DOCK10: variants seen among roughly 807,000 people sequenced by gnomAD.
DOCK10 encodes the protein dedicator of cytokinesis protein 10.
Under a neutral mutation model 280.1 loss-of-function variants are expected in DOCK10, and 145 were observed. The observed-to-expected ratio is 0.52, with a 90% CI of 0.45 to 0.59. The LOEUF (loss-of-function observed/expected upper bound fraction) is 0.59, where lower values mean the gene tolerates loss of function less well. Among genes scored for constraint, DOCK10 ranks in the 20% least tolerant of loss-of-function variants. The pLI, the probability that DOCK10 is intolerant of heterozygous loss-of-function variation, is 0.00. For synonymous variants in DOCK10, 915 were observed against 942.2 expected, an observed-to-expected ratio of 0.97 and a Z score of 0.53; for missense variants, 2,368 against 2,651.7, an observed-to-expected ratio of 0.89 and a Z score of 2.35.
At chr2:224,899,881 C>T (rs1304762888) in intron 3 of DOCK10, among the ~76,000 whole-genome samples, 1 of 152,174 alleles carries the variant, frequency 6.6e-6, no homozygotes, top group Non-Finnish European at 1.5e-5. Flanking sequence ...GAGGGTACAG[C>T]CTTGGGAACT....
rs78691155 is a variant in DOCK10 at position 224,843,382 on chromosome 2, T to C, written c.2568+1371A>G. ...TATTTGGAGAAAGCAGCTGGAAGCATGAGAAAGAGAAACTGAGGAGCTGCT... is the reference window on the plus strand; with the variant it reads ...TATTTGGAGAAAGCAGCTGGAAGCACGAGAAAGAGAAACTGAGGAGCTGCT... On this transcript the variant is annotated intron_variant, in intron 22 of 55. Coordinates refer to ENST00000258390, the MANE Select transcript of DOCK10 (RefSeq NM_014689.3). 3.6e-3 allele frequency among the ~76,000 whole-genome samples: 545 copies of C among 152,184 alleles called. 8 individuals carry two copies. In the East Asian group the frequency reaches 0.055, roughly 15 times the overall value.
intron 3 of DOCK10, among the ~76,000 whole-genome samples, chr2:224,901,701 A>G (rs1040677172): frequency 6.6e-6 from 1 of 152,216 alleles, no homozygotes; most frequent in Non-Finnish European, 1.5e-5. Context: ...CAAGAAATCT[A>G]CATTGTAAAA....
chr2:225,035,619 TTAGTCAGTGCGGGCTGCC>T (rs1333709709), intron 1 of DOCK10, among the ~76,000 whole-genome samples: 1,587 of 125,322 alleles, frequency 0.013, 64 homozygotes, highest in African/African-American at 0.053. Context: ...GTGTGTTGTA[TTAGTCAGTGCGGGCTGCC>T]ATAATAACCA....
chr2:224,874,328 T>C lies in DOCK10; in HGVS notation c.1039A>G (p.Thr347Ala). 1 of 1,612,568 alleles carries C rather than the reference T, an allele frequency of 6.2e-7. No individual in the cohort carries two copies. Residue 347 changes from threonine (T) to alanine (A), a missense_variant, in exon 10 of 56, where the codon ACT becomes GCT. This residue lies in a region of DOCK10 where 1,209 missense variants were observed against 1,250.9 expected (regional missense o/e 0.97). Coordinates refer to ENST00000258390, the MANE Select transcript of DOCK10 (RefSeq NM_014689.3). ...TCCATGTTTCGAGTTGTTTTTACAG[T>C]ATCTTCTGTTTCTGTGAGGTACTAC... ...FAKYLTETED[T>A]VKTTRNMERL...
intron 1 of DOCK10, among the ~76,000 whole-genome samples, chr2:224,964,483 C>CT (rs36036971): frequency 1.7e-4 from 25 of 150,324 alleles, no homozygotes; most frequent in South Asian, 2.1e-4. Context: ...TTTCTTTCTT[C>CT]TTTTTTTTTT....
At position 225,042,240 on chromosome 2, in the gene DOCK10, C is replaced by T. The variant is rs1690454771; in HGVS notation, c.123+12G>A. The stretch of plus-strand genomic sequence containing the variant: ...GGCGCGCGGGAAGGCGCGGAGGACG[C>T]GCCGCACTCACCCGCTGCTGCTGCC... On this transcript the variant is annotated intron_variant, in intron 1 of 55. Coordinates refer to ENST00000258390, the MANE Select transcript of DOCK10 (RefSeq NM_014689.3). The surrounding 1 kb of genome is among the most constrained non-coding windows in gnomAD (Gnocchi z 5.1). 1 of 1,267,928 alleles carries T rather than the reference C, an allele frequency of 7.9e-7. No homozygotes were observed. The allele number at this position is 1,267,928 out of a possible 1,614,324, so 78.5% of individuals were successfully genotyped here. A position where few individuals can be genotyped will look rare whatever the true frequency, so the allele number is the denominator to read the frequency against.
chr2:224,795,179 C>T lies in DOCK10; in HGVS notation c.4939-85G>A, dbSNP rs16866184. 259 of 1,218,890 alleles carry T rather than the reference C, an allele frequency of 2.1e-4. 3 individuals carry two copies. The South Asian group carries it at 2.8e-3, about 13-fold the overall frequency. 75.5% of individuals were successfully genotyped at this position (1,218,890 alleles called of 1,614,324 possible). ...TAAGTTATGCTATTAATTATGGCTACGCATCACAGTTTGGAGCATTCTATA... is the reference window on the plus strand; with the variant it reads ...TAAGTTATGCTATTAATTATGGCTATGCATCACAGTTTGGAGCATTCTATA... On this transcript the variant is annotated intron_variant, in intron 44 of 55. Transcript: ENST00000258390.
chr2:224,782,317 C>T (rs3768877), intron 50 of DOCK10, among the ~76,000 whole-genome samples: 1 of 152,064 alleles, frequency 6.6e-6, no homozygotes, highest in Non-Finnish European at 1.5e-5. Flanking sequence ...GAATCTATGG[C>T]CTTTGGTGGA....
chr2:224,879,177 C>G (rs1412228908), intron 7 of DOCK10, among the ~76,000 whole-genome samples: 2 of 152,104 alleles, frequency 1.3e-5, no homozygotes, highest in Non-Finnish European at 2.9e-5. Flanking sequence ...CTCAGAAAGC[C>G]CATGGCCTCA....
Position 224,804,358 on chromosome 2 carries a change from G to A in DOCK10, c.4167-145C>T, listed in dbSNP as rs528732848. On this transcript the variant is annotated intron_variant, in intron 38 of 55. Coordinates refer to ENST00000258390, the MANE Select transcript of DOCK10 (RefSeq NM_014689.3). The stretch of plus-strand genomic sequence containing the variant: ...CAAAAATAAAACCCTGTTTTCTTTC[G>A]GAAATCAGAAATTGGGATTTAGTGA... 5.4e-4 allele frequency: 294 copies of A among 544,828 alleles called. 5 individuals carry two copies. In the South Asian group the frequency reaches 7.1e-3, roughly 13 times the overall value. The allele number at this position is 544,828 out of a possible 1,614,324, so 33.7% of individuals were successfully genotyped here.
rs1693330391 is a variant in DOCK10, at chr2:224,805,393, A to G, written c.3936+15T>C. ...TGCCTTGTAATGATCAGTAGGTTTG[A>G]GAGGGAAGTCATACCTTTTCACAGT... On this transcript the variant is annotated intron_variant, in intron 35 of 55. Transcript: ENST00000258390. This position sits in a 1 kb window ranked among gnomAD's most constrained non-coding sequence, Gnocchi z 4.3. The G allele has an allele frequency of 1.9e-6, 3 of 1,612,774 alleles. No individual in the cohort carries two copies. The highest frequency in any genetic ancestry group is 2.5e-6 in the Non-Finnish European group (3 of 1,179,170).
chr2:224,856,779 G>A, intron 15 of DOCK10, 81 bp downstream of exon 15: 1 of 1,311,064 alleles, frequency 7.6e-7, no homozygotes, highest in Non-Finnish European at 1.0e-6. Flanking sequence ...GTTCGAGAAT[G>A]AGATCCTCAG....
chr2:225,004,424 C>T (rs1324776126), intron 1 of DOCK10, among the ~76,000 whole-genome samples: 11 of 152,196 alleles, frequency 7.2e-5, no homozygotes, highest in Admixed American at 7.2e-4. Flanking sequence ...GGGAGTGTGG[C>T]CCTGCTGACT....
At chr2:224,798,413 C>T (rs1057004748) in intron 41 of DOCK10, among the ~76,000 whole-genome samples, 13 of 151,816 alleles carry the variant, frequency 8.6e-5, no homozygotes, top group South Asian at 4.2e-4. Flanking sequence ...TGGGTGGGGC[C>T]GGGGAGAAAT....
chr2:224,778,085 A>T (rs1691001395), intron 51 of DOCK10, 53 bp downstream of exon 51: 1 of 1,552,756 alleles, frequency 6.4e-7, no homozygotes, highest in East Asian at 2.3e-5. Context: ...TAGTTAAAGA[A>T]TAAAAAACTC....
At chr2:224,973,610 C>T (rs1159703323) in intron 1 of DOCK10, among the ~76,000 whole-genome samples, 8 of 151,962 alleles carry the variant, frequency 5.3e-5, no homozygotes, top group Non-Finnish European at 1.0e-4. Context: ...CAGTGAGATC[C>T]GTTTCAGATT....
chr2:224,864,781 A>G (rs979818119), intron 12 of DOCK10, 85 bp downstream of exon 12: 6 of 1,584,252 alleles, frequency 3.8e-6, no homozygotes, highest in Middle Eastern at 1.7e-4. Flanking sequence ...ATTTTTATTC[A>G]GGAAATTGCT....
chr2:225,001,835 A>G (rs1162640946), intron 1 of DOCK10, among the ~76,000 whole-genome samples: 1 of 152,158 alleles, frequency 6.6e-6, no homozygotes, highest in Non-Finnish European at 1.5e-5. Context: ...TGGTAGGAGG[A>G]GCAAATGAGC....
At position 224,797,964 on chromosome 2, in the gene DOCK10, T is replaced by A; in HGVS notation, c.4512A>T (p.Gln1504His). 6.2e-7 allele frequency: 1 copy of A among 1,612,682 alleles called. No homozygotes were observed. Among genetic ancestry groups the A allele is most frequent in the South Asian group, 1.1e-5 (1 of 90,936 alleles). ...LSLFTQTHQR[Q>H]LQQCDCQNSL... Reference sequence around the variant, plus strand: ...AATTTTGACAGTCACATTGTTGGAGTTGTCTCTGGAAATTCAATGCAGATG... The same window carrying A: ...AATTTTGACAGTCACATTGTTGGAGATGTCTCTGGAAATTCAATGCAGATG... The change falls in exon 42 of 56, where the codon CAA (glutamine) becomes CAT (histidine). Residue 1504 changes from glutamine to histidine, a missense_variant. By Grantham distance (24) the Gln-to-His change is conservative. This residue lies in a region of DOCK10 where 1,159 missense variants were observed against 1,400.8 expected (regional missense o/e 0.83). Coordinates refer to ENST00000258390, the MANE Select transcript of DOCK10 (RefSeq NM_014689.3).
Sources: allele counts gnomAD v4.1 joint callset (sites outside exome capture counted in the v4.1 genomes callset), GRCh38; gene constraint gnomAD v4.1.1; regional missense constraint gnomAD v4.1.1; non-coding constraint Gnocchi (gnomAD v3.1); transcripts MANE v1.5; gene names NCBI Gene and HGNC (gene_info 2026-07-23, HGNC 2026-07-21).